Variants in RFX3 observed in about 807,000 individuals in gnomAD.
RFX3 encodes the protein transcription factor RFX3.
In RFX3, 14 loss-of-function variants were observed where a neutral mutation model predicts 98.6. The observed-to-expected ratio is 0.14, with a 90% CI of 0.09 to 0.22. RFX3 has a LOEUF of 0.22. RFX3 is among the 10% of genes least tolerant of loss of function. The pLI is 1.00. For missense variants in RFX3, 639 were observed against 926.9 expected, an observed-to-expected ratio of 0.69 and a Z score of 4.03; for synonymous variants, 383 against 328.4, an observed-to-expected ratio of 1.17 and a Z score of -1.80.
intron 15 of RFX3, among the ~76,000 whole-genome samples, chr9:3,229,111 A>C (rs1818148363): frequency 6.6e-6 from 1 of 152,202 alleles, no homozygotes. Flanking sequence ...TCTTCGCAGA[A>C]GGATAACAAT....
intron 1 of RFX3, among the ~76,000 whole-genome samples, chr9:3,466,157 G>C (rs1848197566): frequency 6.6e-6 from 1 of 152,136 alleles, no homozygotes; most frequent in African/African-American, 2.4e-5. Context: ...GGAAAATAGA[G>C]TTCTAAAGAA....
chr9:3,359,170 A>C (rs1563982492), intron 2 of RFX3, among the ~76,000 whole-genome samples: 1 of 151,984 alleles, frequency 6.6e-6, no homozygotes, highest in Non-Finnish European at 1.5e-5. Context: ...TTTTTTTCAA[A>C]GGTAAAAGAT....
intron 1 of RFX3, among the ~76,000 whole-genome samples, chr9:3,396,329 T>C (rs944879657): frequency 6.6e-6 from 1 of 152,152 alleles, no homozygotes; most frequent in Admixed American, 6.5e-5. Context: ...CTGAGAATGA[T>C]GGTTTCCAGC....
intron 15 of RFX3, among the ~76,000 whole-genome samples, chr9:3,244,980 G>T (rs1450367731): frequency 6.6e-6 from 1 of 152,140 alleles, no homozygotes; most frequent in Non-Finnish European, 1.5e-5. Flanking sequence ...CAGAAGTCTA[G>T]AGTTCAACAC....
intron 4 of RFX3, among the ~76,000 whole-genome samples, chr9:3,307,861 T>C (rs530508942): frequency 2.2e-4 from 33 of 152,352 alleles, no homozygotes; most frequent in Admixed American, 1.5e-3. Context: ...ATCTCTCTTC[T>C]TGAGCGTTGC....
intron 2 of RFX3, among the ~76,000 whole-genome samples, chr9:3,349,606 T>C (rs527739516): frequency 5.9e-5 from 9 of 152,228 alleles, no homozygotes; most frequent in Middle Eastern, 3.4e-3. Context: ...AGGTAACCAT[T>C]TTCACTATGT....
intron 2 of RFX3, among the ~76,000 whole-genome samples, chr9:3,369,953 C>A (rs1289714559): frequency 6.6e-6 from 1 of 151,084 alleles, no homozygotes; most frequent in Non-Finnish European, 1.5e-5. Context: ...CTCAGCCTCC[C>A]GAGTAGCTGG....
At chr9:3,245,019 C>T (rs1348020005) in intron 15 of RFX3, among the ~76,000 whole-genome samples, 1 of 152,190 alleles carries the variant, frequency 6.6e-6, no homozygotes, top group African/African-American at 2.4e-5. Context: ...CAAGATTATA[C>T]TAATAGCCAT....
chr9:3,409,244 CTTTCT>C lies in RFX3; in HGVS notation c.-8-13653_-8-13649del, dbSNP rs1842253181. Among the ~76,000 whole-genome samples the C allele has an allele frequency of 2.6e-5, 4 of 152,290 alleles. No homozygotes were observed. The South Asian group carries it at 8.3e-4, about 32-fold the overall frequency. ...GTATAAATGATGGTATAGAAGATTT[CTTTCT>C]TTTAACACATTTTCTATCCACTTAA... On this transcript the variant is annotated intron_variant, in intron 1 of 16. Coordinates refer to ENST00000617270, the MANE Select transcript of RFX3 (RefSeq NM_001282116.2).
At chr9:3,515,769 G>A (rs1028740488) in intron 1 of RFX3, among the ~76,000 whole-genome samples, 1 of 152,128 alleles carries the variant, frequency 6.6e-6, no homozygotes, top group Non-Finnish European at 1.5e-5. Context: ...AAGTTATACT[G>A]AAATACACAA....
chr9:3,236,344 C>A (rs1368214392), intron 15 of RFX3, among the ~76,000 whole-genome samples: 1 of 152,098 alleles, frequency 6.6e-6, no homozygotes, highest in Non-Finnish European at 1.5e-5. Flanking sequence ...GGAAGTCATT[C>A]AGAGAAAGAA....
At chr9:3,491,414 C>T (rs774385976) in intron 1 of RFX3, among the ~76,000 whole-genome samples, 1 of 152,056 alleles carries the variant, frequency 6.6e-6, no homozygotes, top group Non-Finnish European at 1.5e-5. Flanking sequence ...GACATGAGGC[C>T]TTATATGTTA....
chr9:3,434,450 C>T (rs1428819202), intron 1 of RFX3, among the ~76,000 whole-genome samples: 2 of 152,086 alleles, frequency 1.3e-5, no homozygotes, highest in African/African-American at 4.8e-5. Context: ...AAATCAGAGC[C>T]TTGGTCTATG....
chr9:3,330,245 A>T lies in RFX3; in HGVS notation c.474+14T>A, dbSNP rs1343699741. 4 of 1,613,464 alleles carry T rather than the reference A, an allele frequency of 2.5e-6. No homozygotes were observed. The highest frequency in any genetic ancestry group is 3.4e-6 in the Non-Finnish European group (4 of 1,179,714). Reference sequence around the variant, plus strand: ...TAAAAGCTAAACTAAACTACTAAAAATTCAAATACTTACTGTCGCTGGGGA... The same window carrying T: ...TAAAAGCTAAACTAAACTACTAAAATTTCAAATACTTACTGTCGCTGGGGA... On this transcript the variant is annotated intron_variant, in intron 4 of 16. Transcript: ENST00000617270.
rs148826220 is a variant in RFX3, at chr9:3,375,584, TA to T, written c.117+19887del. 3.1e-3 allele frequency among the ~76,000 whole-genome samples: 467 copies of T among 152,376 alleles called. 10 individuals carry two copies. In the East Asian group the frequency reaches 0.056, roughly 18 times the overall value. ...TACTTTTTCATTATTAAAGTTATTT[TA>T]TTCTTGCTTTCCTTGGTTTTAAGTT... is the stretch of plus-strand genomic sequence containing the variant. On this transcript the variant is annotated intron_variant, in intron 2 of 16. Coordinates refer to ENST00000617270, the MANE Select transcript of RFX3 (RefSeq NM_001282116.2).
At chr9:3,466,184 A>G (rs1394546970) in intron 1 of RFX3, among the ~76,000 whole-genome samples, 1 of 152,232 alleles carries the variant, frequency 6.6e-6, no homozygotes, top group African/African-American at 2.4e-5. Flanking sequence ...GCAATTTCAT[A>G]TAACATTATT....
At chr9:3,495,973 T>C (rs1255507479) in intron 1 of RFX3, among the ~76,000 whole-genome samples, 2 of 152,052 alleles carry the variant, frequency 1.3e-5, no homozygotes, top group Non-Finnish European at 2.9e-5. Flanking sequence ...GCACATTAAA[T>C]AGCTTTAAGG....
chr9:3,412,574 A>C (rs1842550595), intron 1 of RFX3, among the ~76,000 whole-genome samples: 1 of 152,182 alleles, frequency 6.6e-6, no homozygotes, highest in African/African-American at 2.4e-5. Flanking sequence ...TGTTAGTAAA[A>C]GTTTATAAAA....
chr9:3,243,509 A>G (rs907632443), intron 15 of RFX3, among the ~76,000 whole-genome samples: 2 of 152,304 alleles, frequency 1.3e-5, no homozygotes, highest in East Asian at 3.9e-4. Flanking sequence ...ATAACATTGA[A>G]ATGACAGCAT....
Sources: allele counts gnomAD v4.1 joint callset (sites outside exome capture counted in the v4.1 genomes callset), GRCh38; gene constraint gnomAD v4.1.1; transcripts MANE v1.5; gene names NCBI Gene and HGNC (gene_info 2026-07-23, HGNC 2026-07-21).